The following ATRX variants were observed in gnomAD, a reference collection of about 807,000 sequenced individuals.
The protein encoded by ATRX is chromatin remodeler ATRX.
Under a neutral mutation model 172.6 loss-of-function variants are expected in ATRX, and 12 were observed. The observed-to-expected ratio is 0.07, with a 90% CI of 0.04 to 0.11. The LOEUF is 0.11. Ranked by LOEUF, ATRX falls within the 10% of genes least tolerant of loss-of-function variation. The pLI, the probability that ATRX is intolerant of heterozygous loss-of-function variation, is 1.00. For missense variants in ATRX, 1,368 were observed against 1,767.4 expected (o/e 0.77, Z 4.05); for synonymous variants, 674 against 594.7 (o/e 1.13, Z -1.94).
At chrX:77,586,778 G>A (rs1317685335) in intron 27 of ATRX, among the ~76,000 whole-genome samples, 1 of 111,695 alleles carries the variant, frequency 9.0e-6, no homozygotes, top group African/African-American at 3.3e-5. Context: ...GAAAAATTAG[G>A]CCAGGTGTGG....
chrX:77,703,759 G>A (rs1181979230), intron 2 of ATRX, among the ~76,000 whole-genome samples: 1 of 112,160 alleles, frequency 8.9e-6, no homozygotes, highest in Non-Finnish European at 1.9e-5. Context: ...GAAAAGTGGA[G>A]AGTAAGCAAG....
rs782116343 is a variant in ATRX, at chrX:77,755,072, A to G, written c.20+30910T>C. ...TTCTCTAATCTTGTCTTCATGCCTTATTTCAGTAAGTTCATCTTCAATATC... is the reference window on the plus strand; with the variant it reads ...TTCTCTAATCTTGTCTTCATGCCTTGTTTCAGTAAGTTCATCTTCAATATC... On this transcript the variant is annotated intron_variant, in intron 1 of 34. Transcript: ENST00000373344. 2.7e-5 allele frequency among the ~76,000 whole-genome samples: 3 copies of G among 112,139 alleles called. No homozygotes were observed. In the East Asian group the frequency reaches 8.4e-4, roughly 31 times the overall value.
At chrX:77,570,075 A>C (rs1017644917) in intron 28 of ATRX, among the ~76,000 whole-genome samples, 1 of 112,255 alleles carries the variant, frequency 8.9e-6, no homozygotes, top group East Asian at 2.8e-4. Flanking sequence ...ATATGGAATA[A>C]AGGAATAGAA....
chrX:77,765,736 C>T (rs1178421638), intron 1 of ATRX, among the ~76,000 whole-genome samples: 1 of 106,096 alleles, frequency 9.4e-6, no homozygotes. Context: ...GTGTTTCTCG[C>T]AGAGGGGGAT....
chrX:77,512,278 G>A (rs1205990603), intron 34 of ATRX, among the ~76,000 whole-genome samples: 1 of 111,992 alleles, frequency 8.9e-6, no homozygotes, highest in Non-Finnish European at 1.9e-5. Context: ...GAGAAATAAA[G>A]ACTTTCCCAC....
At chrX:77,666,154 G>A (rs1362472109) in intron 10 of ATRX, among the ~76,000 whole-genome samples, 1 of 111,925 alleles carries the variant, frequency 8.9e-6, no homozygotes, top group Non-Finnish European at 1.9e-5. Flanking sequence ...CAAACAGATG[G>A]ATCAGGAATA....
At chrX:77,783,642 T>C (rs1165729597) in intron 1 of ATRX, among the ~76,000 whole-genome samples, 1 of 112,251 alleles carries the variant, frequency 8.9e-6, no homozygotes, top group Non-Finnish European at 1.9e-5. Flanking sequence ...TTAACAATAA[T>C]GCTTATATTA....
At chrX:77,667,213 A>G (rs2070294727) in intron 10 of ATRX, among the ~76,000 whole-genome samples, 1 of 109,895 alleles carries the variant, frequency 9.1e-6, no homozygotes, top group Non-Finnish European at 1.9e-5. Context: ...AACCATCTTT[A>G]GTAATACTAC....
chrX:77,518,207 G>C (rs1281590335), intron 34 of ATRX, among the ~76,000 whole-genome samples: 1 of 112,065 alleles, frequency 8.9e-6, no homozygotes, highest in Non-Finnish European at 1.9e-5. Context: ...GGGCATCCCA[G>C]TTGGAAAAGA....
At chrX:77,585,951 A>T (rs2066003867) in intron 27 of ATRX, among the ~76,000 whole-genome samples, 1 of 111,228 alleles carries the variant, frequency 9.0e-6, no homozygotes, top group Non-Finnish European at 1.9e-5. Flanking sequence ...AATTGAACTC[A>T]TGGAGATACA....
At chrX:77,525,653 T>C (rs2063356356) in intron 30 of ATRX, among the ~76,000 whole-genome samples, 1 of 112,497 alleles carries the variant, frequency 8.9e-6, no homozygotes, top group African/African-American at 3.2e-5. Context: ...TACTAGGAAC[T>C]AATTCATTTC....
intron 30 of ATRX, among the ~76,000 whole-genome samples, chrX:77,526,014 G>T (rs894587902): frequency 3.6e-5 from 4 of 111,976 alleles, no homozygotes; most frequent in Non-Finnish European, 7.5e-5. Flanking sequence ...TATTAAGTCA[G>T]TCCTTAGCAT....
chrX:77,700,681 C>A lies in ATRX; in HGVS notation c.134-2052G>T, dbSNP rs147021898. Among the ~76,000 whole-genome samples, 882 of 112,313 alleles carry A rather than the reference C, an allele frequency of 7.9e-3. 9 individuals carry two copies. Among genetic ancestry groups the A allele is most frequent in the African/African-American group, 0.028 (854 of 31,016 alleles). ...AATGGATAAACAAACTGTAGTACAT[C>A]CAGACAATGGAATATTATTCAGCAC... is the stretch of plus-strand genomic sequence containing the variant. On this transcript the variant is annotated intron_variant, in intron 2 of 34. Transcript: ENST00000373344.
rs1557041383 is a variant in ATRX, at chrX:77,521,515, A to C, written c.6976-17T>G. 8.9e-7 allele frequency: 1 copy of C among 1,129,566 alleles called. No individual in the cohort carries two copies. Among genetic ancestry groups the C allele is most frequent in the East Asian group, 3.0e-5 (1 of 33,449 alleles). The allele number at this position is 1,129,566 out of a possible 1,213,427, so 93.1% of individuals were successfully genotyped here. ...AATGAGGTCCTAGAAGAATGCAAGA[A>C]ATAAGTTATATAAGGCAGAAAGACA... On this transcript the variant is annotated splice_polypyrimidine_tract_variant and intron_variant, in intron 32 of 34. Coordinates refer to ENST00000373344, the MANE Select transcript of ATRX (RefSeq NM_000489.6).
chrX:77,566,186 TA>T (rs1557064443), intron 28 of ATRX, among the ~76,000 whole-genome samples: 1 of 110,897 alleles, frequency 9.0e-6, no homozygotes, highest in African/African-American at 3.3e-5. Flanking sequence ...ACAAACAGGA[TA>T]AACCCAAACA....
At chrX:77,582,552 C>CA (rs2065864140) in intron 27 of ATRX, among the ~76,000 whole-genome samples, 2 of 110,048 alleles carry the variant, frequency 1.8e-5, no homozygotes, top group South Asian at 3.8e-4. Flanking sequence ...ATCAATGAAA[C>CA]AAAAAACAGG....
At position 77,682,707 on chromosome X, in the gene ATRX, G is replaced by A. The variant is rs2071294359; in HGVS notation, c.2549C>T (p.Ser850Phe). The change falls in exon 9 of 35, where the codon TCT becomes TTT. Residue 850 changes from serine to phenylalanine, a missense_variant. Coordinates refer to ENST00000373344, the MANE Select transcript of ATRX (RefSeq NM_000489.6). ...TTTTTTGCTGTGTTTCTCATCTTCA[G>A]AAGAGTCAAAATCTTTTGTATTTGG... ...RIPNTKDFDS[S>F]EDEKHSKKGM... The A allele has an allele frequency of 1.7e-6, 2 of 1,209,391 alleles. No individual in the cohort carries two copies. The highest frequency in any genetic ancestry group is 2.2e-6 in the Non-Finnish European group (2 of 895,130).
At chrX:77,748,002 G>C (rs938611047) in intron 1 of ATRX, among the ~76,000 whole-genome samples, 21 of 111,315 alleles carry the variant, frequency 1.9e-4, no homozygotes, top group African/African-American at 6.8e-4. Context: ...AAGGGGAGAA[G>C]AACAAAATCT....
At chrX:77,565,545 CAT>C (rs1227408108) in intron 28 of ATRX, among the ~76,000 whole-genome samples, 3 of 111,715 alleles carry the variant, frequency 2.7e-5, no homozygotes, top group Non-Finnish European at 5.6e-5. Context: ...AACAAGAAGA[CAT>C]AAAAAAAGAA....
Sources: allele counts gnomAD v4.1 joint callset (sites outside exome capture counted in the v4.1 genomes callset), GRCh38; gene constraint gnomAD v4.1.1; transcripts MANE v1.5; gene names NCBI Gene and HGNC (gene_info 2026-07-23, HGNC 2026-07-21).